Variants in KCNH5 observed in about 807,000 individuals in gnomAD.
KCNH5 encodes voltage-gated delayed rectifier potassium channel KCNH5.
A neutral mutation model predicts 96.1 loss-of-function variants in KCNH5; 46 were observed. The observed-to-expected ratio is 0.48, with a 90% CI of 0.38 to 0.61. KCNH5 has a LOEUF of 0.61. Among genes scored for constraint, KCNH5 ranks in the 20% least tolerant of loss-of-function variants. The pLI is 0.00. For synonymous variants in KCNH5, 439 were observed against 449.8 expected (o/e 0.98, Z 0.30); for missense variants, 907 against 1,225.8 (o/e 0.74, Z 3.88).
At chr14:62,883,862 C>A (rs1361394741) in intron 7 of KCNH5, among the ~76,000 whole-genome samples, 5 of 152,068 alleles carry the variant, frequency 3.3e-5, no homozygotes, top group African/African-American at 2.4e-5. Context: ...AGTTAAGAAT[C>A]TTTAAGCCAC....
At chr14:62,917,738 C>T (rs898220017) in intron 7 of KCNH5, among the ~76,000 whole-genome samples, 19 of 152,152 alleles carry the variant, frequency 1.2e-4, no homozygotes, top group Admixed American at 6.5e-4. Flanking sequence ...GGACATCATC[C>T]TCTTAATTCT....
intron 8 of KCNH5, among the ~76,000 whole-genome samples, chr14:62,848,519 C>T (rs1003504186): frequency 6.6e-6 from 1 of 152,110 alleles, no homozygotes; most frequent in African/African-American, 2.4e-5. Flanking sequence ...CCCCAAGTAT[C>T]TCACCTGCAC....
chr14:62,952,181 ATTTAAGT>A (rs1890020413), intron 6 of KCNH5, among the ~76,000 whole-genome samples: 1 of 152,168 alleles, frequency 6.6e-6, no homozygotes, highest in Non-Finnish European at 1.5e-5. Context: ...GCCTACCTCT[ATTTAAGT>A]TGAAACTCTC....
chr14:62,938,224 G>C (rs914787314), intron 7 of KCNH5, among the ~76,000 whole-genome samples: 1 of 152,096 alleles, frequency 6.6e-6, no homozygotes, highest in Non-Finnish European at 1.5e-5. Flanking sequence ...TAGCTACAGA[G>C]CCAGCTTCAA....
intron 4 of KCNH5, among the ~76,000 whole-genome samples, chr14:62,990,430 T>C (rs1355808487): frequency 6.6e-6 from 1 of 152,094 alleles, no homozygotes; most frequent in Non-Finnish European, 1.5e-5. Context: ...GATCAAGGAA[T>C]ATTTCATCTC....
intron 4 of KCNH5, among the ~76,000 whole-genome samples, chr14:62,998,908 A>G (rs1566534581): frequency 6.6e-6 from 1 of 152,200 alleles, no homozygotes. Context: ...GAGGTGAAGA[A>G]TATGTATTCT....
intron 4 of KCNH5, among the ~76,000 whole-genome samples, chr14:62,996,685 T>C (rs1890911049): frequency 6.6e-6 from 1 of 152,182 alleles, no homozygotes; most frequent in Non-Finnish European, 1.5e-5. Context: ...TTTCCCCAAC[T>C]TCACTGCAAA....
At chr14:62,979,897 T>C (rs1890573488) in intron 6 of KCNH5, among the ~76,000 whole-genome samples, 1 of 152,226 alleles carries the variant, frequency 6.6e-6, no homozygotes, top group Non-Finnish European at 1.5e-5. Flanking sequence ...AGAAGTCATC[T>C]GATATGGTTT....
At chr14:62,794,449 T>C (rs1214061364) in intron 9 of KCNH5, among the ~76,000 whole-genome samples, 2 of 151,876 alleles carry the variant, frequency 1.3e-5, no homozygotes, top group Admixed American at 6.6e-5. Flanking sequence ...AGGTCTGAAT[T>C]AAAATCCTGT....
At chr14:62,988,626 AC>A (rs1370344933) in intron 4 of KCNH5, among the ~76,000 whole-genome samples, 1 of 152,046 alleles carries the variant, frequency 6.6e-6, no homozygotes, top group Non-Finnish European at 1.5e-5. Context: ...AGTAATTAGA[AC>A]AAAAAAAAAG....
intron 8 of KCNH5, among the ~76,000 whole-genome samples, chr14:62,803,675 C>T (rs1020851545): frequency 6.6e-6 from 1 of 152,142 alleles, no homozygotes; most frequent in African/African-American, 2.4e-5. Flanking sequence ...TTATTGGCTA[C>T]AGCTTTCTGA....
At chr14:62,965,098 T>A (rs1245223401) in intron 6 of KCNH5, among the ~76,000 whole-genome samples, 1 of 152,074 alleles carries the variant, frequency 6.6e-6, no homozygotes, top group East Asian at 1.9e-4. Context: ...GAGAGGTGAA[T>A]AGATGCATAA....
At chr14:62,986,570 G>A (rs1360000405) in intron 5 of KCNH5, among the ~76,000 whole-genome samples, 5 of 152,034 alleles carry the variant, frequency 3.3e-5, no homozygotes, top group African/African-American at 4.8e-5. Flanking sequence ...CTCAGCCCAG[G>A]TATCATCTCA....
At chr14:62,885,124 T>G (rs1397792653) in intron 7 of KCNH5, among the ~76,000 whole-genome samples, 1 of 152,198 alleles carries the variant, frequency 6.6e-6, no homozygotes, top group Non-Finnish European at 1.5e-5. Flanking sequence ...ATGCTTGATC[T>G]TAATGCTCAA....
At chr14:62,728,660 A>G (rs191546612) in intron 10 of KCNH5, among the ~76,000 whole-genome samples, 2 of 152,292 alleles carry the variant, frequency 1.3e-5, no homozygotes, top group Admixed American at 1.3e-4. Context: ...TATTCATTAG[A>G]TATGTGATTC....
Position 62,702,506 on chromosome 14 carries a change from A to G in KCNH5, c.*5002T>C, listed in dbSNP as rs772114759. 9.9e-5 allele frequency: 15 copies of G among 151,936 alleles called. No individual in the cohort carries two copies. The highest frequency in any genetic ancestry group is 5.9e-4 in the Admixed American group (9 of 15,260). The allele number at this position is 151,936 out of a possible 1,614,324, so 9.4% of individuals were successfully genotyped here. On this transcript the variant is annotated 3_prime_UTR_variant, in exon 11 of 11. Coordinates refer to ENST00000322893, the MANE Select transcript of KCNH5 (RefSeq NM_139318.5). ...AGAAACTCAACTTTACCATGTAACA[A>G]GTATGCCATCCTGGACAAGTTCCTT...
chr14:62,700,181 T>C lies in KCNH5; in HGVS notation c.*7327A>G, dbSNP rs2139892640. Reference sequence around the variant, plus strand: ...ATAGACTAAAAAGAACTCTATAATTTTCAATATATCGTGAATCTGCACATT... The same window carrying C: ...ATAGACTAAAAAGAACTCTATAATTCTCAATATATCGTGAATCTGCACATT... On this transcript the variant is annotated 3_prime_UTR_variant, in exon 11 of 11. Coordinates refer to ENST00000322893, the MANE Select transcript of KCNH5 (RefSeq NM_139318.5). The C allele has an allele frequency of 6.6e-6, 1 of 152,298 alleles. No homozygotes were observed. Among genetic ancestry groups the C allele is most frequent in the Non-Finnish European group, 1.5e-5 (1 of 68,010 alleles). The allele number at this position is 152,298 out of a possible 1,614,324, so 9.4% of individuals were successfully genotyped here.
intron 6 of KCNH5, among the ~76,000 whole-genome samples, chr14:62,973,991 A>G (rs1890456542): frequency 6.6e-6 from 1 of 152,236 alleles, no homozygotes; most frequent in Admixed American, 6.5e-5. Flanking sequence ...AGAAATAAAA[A>G]TTATTAACGT....
chr14:62,843,810 A>C (rs1887638066), intron 8 of KCNH5, among the ~76,000 whole-genome samples: 2 of 152,056 alleles, frequency 1.3e-5, no homozygotes. Context: ...CATCACGGGA[A>C]CCTCTTGAAG....
Sources: allele counts gnomAD v4.1 joint callset (sites outside exome capture counted in the v4.1 genomes callset), GRCh38; gene constraint gnomAD v4.1.1; transcripts MANE v1.5; gene names NCBI Gene and HGNC (gene_info 2026-07-23, HGNC 2026-07-21).